Variants in PAN3 observed in about 807,000 individuals in gnomAD.
PAN3 encodes PAN2-PAN3 deadenylation complex subunit PAN3.
A neutral mutation model predicts 96.2 loss-of-function variants in PAN3; 19 were observed. The observed-to-expected ratio is 0.20, with a 90% CI of 0.14 to 0.29. The LOEUF is 0.29. PAN3 is among the 10% of genes least tolerant of loss of function. PAN3 has a pLI of 1.00. For synonymous variants in PAN3, 433 were observed against 406.6 expected (o/e 1.06, Z -0.78); for missense variants, 882 against 1,108.1 (o/e 0.80, Z 2.90).
chr13:28,231,348 G>T (rs1281101151), intron 6 of PAN3, among the ~76,000 whole-genome samples: 1 of 152,106 alleles, frequency 6.6e-6, no homozygotes, highest in Non-Finnish European at 1.5e-5. Flanking sequence ...CAAAGTAGTT[G>T]TGCAGGCTGT....
At chr13:28,232,409 T>C (rs925475756) in intron 6 of PAN3, 2 of 152,096 alleles carry the variant, frequency 1.3e-5, no homozygotes, top group Non-Finnish European at 2.9e-5. Flanking sequence ...TAACTATTGA[T>C]TTGACCCACT....
At position 28,200,638 on chromosome 13, in the gene PAN3, G is replaced by A. The variant is rs1223195712; in HGVS notation, c.852+3292G>A. Among the ~76,000 whole-genome samples the A allele has an allele frequency of 4.6e-5, 7 of 151,962 alleles. No homozygotes were observed. The East Asian group carries it at 1.2e-3, about 25-fold the overall frequency. On this transcript the variant is annotated intron_variant, in intron 5 of 18. Transcript: ENST00000380958. ...CGAAGGAGCCTGTCTGCCAAACATG[G>A]CATTTATTAAACAGTGATACATTTG...
intron 2 of PAN3, among the ~76,000 whole-genome samples, 158 bp downstream of exon 2, chr13:28,174,551 G>A (rs1874713180): frequency 6.6e-6 from 1 of 152,160 alleles, no homozygotes; most frequent in African/African-American, 2.4e-5. Flanking sequence ...CCATGGGGTT[G>A]GAGTTAATGA....
At chr13:28,229,365 G>T (rs1593518434) in intron 6 of PAN3, among the ~76,000 whole-genome samples, 1 of 152,202 alleles carries the variant, frequency 6.6e-6, no homozygotes, top group East Asian at 1.9e-4. Flanking sequence ...AGTTTTAATT[G>T]TCAGAACTTT....
intron 3 of PAN3, 43 bp from the exon 4 acceptor site, chr13:28,177,822 A>T: frequency 6.6e-7 from 1 of 1,507,160 alleles, no homozygotes; most frequent in Admixed American, 1.7e-5. Flanking sequence ...TTTGCGGGTT[A>T]CCCAAGTTTT....
At chr13:28,262,000 TAATG>T (rs1486066336) in intron 9 of PAN3, among the ~76,000 whole-genome samples, 1 of 152,192 alleles carries the variant, frequency 6.6e-6, no homozygotes, top group Non-Finnish European at 1.5e-5. Flanking sequence ...TCCTGAAACT[TAATG>T]AAGTATGGGT....
intron 5 of PAN3, among the ~76,000 whole-genome samples, chr13:28,206,617 C>T (rs145431090): frequency 5.3e-5 from 8 of 152,188 alleles, no homozygotes; most frequent in East Asian, 1.9e-4. Flanking sequence ...CCACCACACG[C>T]GGCCCCTAAC....
chr13:28,287,538 T>C (rs1473339904), intron 17 of PAN3, among the ~76,000 whole-genome samples: 1 of 152,238 alleles, frequency 6.6e-6, no homozygotes, highest in African/African-American at 2.4e-5. Context: ...TCTTCACAGC[T>C]TGTTTTCACA....
intron 5 of PAN3, among the ~76,000 whole-genome samples, chr13:28,216,200 A>G (rs1262345222): frequency 4.8e-5 from 5 of 103,786 alleles, no homozygotes; most frequent in Admixed American, 8.5e-5. Flanking sequence ...GTTTAGTGAG[A>G]AAAAAAAAAA....
chr13:28,146,235 G>GTA (rs1870612135), intron 1 of PAN3, among the ~76,000 whole-genome samples: 1 of 150,666 alleles, frequency 6.6e-6, no homozygotes, highest in African/African-American at 2.4e-5. Flanking sequence ...CATATATCTA[G>GTA]TATATATATT....
At chr13:28,290,548 G>GTAC (rs1869626879) in intron 18 of PAN3, among the ~76,000 whole-genome samples, 1 of 151,996 alleles carries the variant, frequency 6.6e-6, no homozygotes, top group Admixed American at 6.6e-5. Flanking sequence ...GGGCGTGGTG[G>GTAC]TACATGCCTG....
intron 1 of PAN3, among the ~76,000 whole-genome samples, chr13:28,147,588 C>T (rs1870836863): frequency 6.6e-6 from 1 of 152,178 alleles, no homozygotes; most frequent in Non-Finnish European, 1.5e-5. Flanking sequence ...CAGTTGTTTA[C>T]CCTCCTAATT....
intron 5 of PAN3, among the ~76,000 whole-genome samples, chr13:28,212,251 C>G (rs1397259508): frequency 6.6e-6 from 1 of 152,202 alleles, no homozygotes; most frequent in Admixed American, 6.5e-5. Context: ...AATTGGAAGC[C>G]ATTTCCCTCA....
chr13:28,167,895 C>T (rs1258149572), intron 1 of PAN3, among the ~76,000 whole-genome samples: 2 of 152,094 alleles, frequency 1.3e-5, no homozygotes, highest in Non-Finnish European at 2.9e-5. Flanking sequence ...TTACTATAAG[C>T]AATTAAGAGA....
chr13:28,270,910 C>T lies in PAN3; in HGVS notation c.1958+44C>T, dbSNP rs187465747. On this transcript the variant is annotated intron_variant, in intron 13 of 18. Transcript: ENST00000380958. ...TTGGTTTCTTTTATTGAGCGTCTTA[C>T]CTTTGACAGCTTAGTAAACAAAACA... 659 of 1,543,574 alleles carry T rather than the reference C, an allele frequency of 4.3e-4. 5 individuals carry two copies. The Middle Eastern group carries it at 5.5e-3, about 13-fold the overall frequency.
chr13:28,210,434 C>T (rs566417700), intron 5 of PAN3, among the ~76,000 whole-genome samples: 1 of 152,230 alleles, frequency 6.6e-6, no homozygotes, highest in South Asian at 2.1e-4. Context: ...TTTGGAAATA[C>T]TAGTAATTAG....
chr13:28,243,779 C>T (rs1021410466), intron 6 of PAN3, among the ~76,000 whole-genome samples: 1 of 152,110 alleles, frequency 6.6e-6, no homozygotes, highest in Non-Finnish European at 1.5e-5. Flanking sequence ...AAGCCCGCCT[C>T]CCAGATTACA....
chr13:28,225,445 G>T (rs1226660805), intron 6 of PAN3, among the ~76,000 whole-genome samples: 2 of 152,150 alleles, frequency 1.3e-5, no homozygotes, highest in Admixed American at 6.5e-5. Context: ...GAGGTATTAG[G>T]TATTTAAATT....
chr13:28,188,100 A>G (rs1366403776), intron 4 of PAN3, among the ~76,000 whole-genome samples: 1 of 152,248 alleles, frequency 6.6e-6, no homozygotes, highest in Non-Finnish European at 1.5e-5. Flanking sequence ...ATCTCTTTTC[A>G]GACACTGCTT....
Sources: allele counts gnomAD v4.1 joint callset (sites outside exome capture counted in the v4.1 genomes callset), GRCh38; gene constraint gnomAD v4.1.1; transcripts MANE v1.5; gene names NCBI Gene and HGNC (gene_info 2026-07-23, HGNC 2026-07-21).